Variants in RBFOX1 observed in about 807,000 individuals in gnomAD.
The protein encoded by RBFOX1 is RNA binding protein fox-1 homolog 1.
Under a neutral mutation model 57.7 loss-of-function variants are expected in RBFOX1, and 8 were observed. The ratio of observed to expected loss-of-function variants is 0.14; its 90% confidence interval spans 0.08 to 0.25. RBFOX1 has a LOEUF of 0.25. Among genes scored for constraint, RBFOX1 ranks in the 10% least tolerant of loss-of-function variants. The pLI, the probability that RBFOX1 is intolerant of heterozygous loss-of-function variation, is 1.00. For synonymous variants in RBFOX1, 326 were observed against 222.4 expected (o/e 1.47, Z -4.15); for missense variants, 611 against 548.5 (o/e 1.11, Z -1.14).
At position 5,798,767 on chromosome 16, in the gene RBFOX1, G is replaced by C. The variant is rs558677558; in HGVS notation, c.319-68536G>C. On this transcript the variant is annotated intron_variant, in intron 3 of 19. Transcript: ENST00000641259. ...GGAAAATCTTAATTAAGTCATGCCA[G>C]AGTCAAAAATTATGAACCAGGGGTC... 1.2e-4 allele frequency among the ~76,000 whole-genome samples: 19 copies of C among 152,218 alleles called. 1 individual carries two copies. The highest frequency in any genetic ancestry group is 2.6e-4 in the Non-Finnish European group (18 of 68,042).
chr16:6,514,464 C>G (rs964661775), intron 2 of RBFOX1, among the ~76,000 whole-genome samples: 1 of 152,164 alleles, frequency 6.6e-6, no homozygotes, highest in South Asian at 2.1e-4. Flanking sequence ...TCACACTTAC[C>G]TCAACTAAAT....
intron 3 of RBFOX1, among the ~76,000 whole-genome samples, chr16:6,819,524 A>G (rs2090851192): frequency 1.3e-5 from 2 of 151,914 alleles, no homozygotes; most frequent in Middle Eastern, 3.4e-3. Context: ...ACCAGCATGG[A>G]GAAAACCCAT....
chr16:5,722,508 T>C (rs1773549462), intron 3 of RBFOX1, among the ~76,000 whole-genome samples: 1 of 152,156 alleles, frequency 6.6e-6, no homozygotes, highest in Admixed American at 6.5e-5. Flanking sequence ...TGTCCAGGTG[T>C]CCCCAGGGGA....
At chr16:6,935,242 T>C (rs1278204806) in intron 3 of RBFOX1, among the ~76,000 whole-genome samples, 1 of 152,098 alleles carries the variant, frequency 6.6e-6, no homozygotes, top group African/African-American at 2.4e-5. Flanking sequence ...GCAGCAGAAG[T>C]AATGTGTTTA....
At chr16:6,012,976 A>G (rs554737976) in intron 4 of RBFOX1, among the ~76,000 whole-genome samples, 108 of 152,364 alleles carry the variant, frequency 7.1e-4, no homozygotes, top group African/African-American at 2.2e-3. Flanking sequence ...CAAGGAGAAT[A>G]GTTCACATAT....
chr16:5,686,644 C>G (rs528286298), intron 3 of RBFOX1, among the ~76,000 whole-genome samples: 2 of 152,016 alleles, frequency 1.3e-5, no homozygotes, highest in African/African-American at 2.4e-5. Context: ...TGATTTCTCT[C>G]TATATATTGA....
chr16:7,681,080 A>G (rs1453101340), intron 14 of RBFOX1, among the ~76,000 whole-genome samples: 1 of 152,210 alleles, frequency 6.6e-6, no homozygotes, highest in Non-Finnish European at 1.5e-5. Context: ...GTTCTATTTC[A>G]GAGACAGATT....
chr16:5,862,822 T>C (rs1280179510), intron 3 of RBFOX1, among the ~76,000 whole-genome samples: 1 of 152,202 alleles, frequency 6.6e-6, no homozygotes, highest in Admixed American at 6.5e-5. Flanking sequence ...AGCCCCACGC[T>C]GTTCAGCATG....
At chr16:7,028,098 T>G (rs1409002119) in intron 3 of RBFOX1, among the ~76,000 whole-genome samples, 2 of 152,120 alleles carry the variant, frequency 1.3e-5, no homozygotes, top group Non-Finnish European at 2.9e-5. Flanking sequence ...TGCCTGTTAC[T>G]TGGCACAGTT....
intron 1 of RBFOX1, among the ~76,000 whole-genome samples, chr16:6,223,686 G>C (rs1278791348): frequency 3.9e-5 from 6 of 152,122 alleles, no homozygotes; most frequent in African/African-American, 7.2e-5. Flanking sequence ...CCTTTGCTAT[G>C]CAGAAGCTCT....
chr16:5,425,036 CCTCT>C (rs760613814), intron 1 of RBFOX1, among the ~76,000 whole-genome samples: 31 of 139,006 alleles, frequency 2.2e-4, no homozygotes, highest in East Asian at 6.2e-4. Flanking sequence ...TCCCTCCCTC[CCTCT>C]CTCTCTCTCT....
chr16:6,938,414 T>C (rs2077733353), intron 3 of RBFOX1, among the ~76,000 whole-genome samples: 1 of 152,224 alleles, frequency 6.6e-6, no homozygotes, highest in African/African-American at 2.4e-5. Context: ...CGGAAAAATG[T>C]AACTGTTACA....
At chr16:6,891,089 C>T (rs1356385456) in intron 3 of RBFOX1, among the ~76,000 whole-genome samples, 2 of 152,136 alleles carry the variant, frequency 1.3e-5, no homozygotes, top group African/African-American at 2.4e-5. Flanking sequence ...TGACACCAGG[C>T]GTTCTTCCAA....
chr16:7,023,771 C>T (rs570819528), intron 3 of RBFOX1, among the ~76,000 whole-genome samples: 1 of 151,972 alleles, frequency 6.6e-6, no homozygotes, highest in Non-Finnish European at 1.5e-5. Flanking sequence ...TTCCACTTAG[C>T]TCAAATACAG....
At chr16:7,022,033 C>CA (rs2039418651) in intron 3 of RBFOX1, among the ~76,000 whole-genome samples, 1 of 69,220 alleles carries the variant, frequency 1.4e-5, no homozygotes, top group Non-Finnish European at 2.8e-5. Context: ...CTCCCCTTCC[C>CA]CTCCCCTTCC....
chr16:6,335,864 C>A (rs774024116), intron 2 of RBFOX1, among the ~76,000 whole-genome samples: 2 of 148,864 alleles, frequency 1.3e-5, no homozygotes, highest in Admixed American at 6.7e-5. Context: ...AGTCAGAGAA[C>A]CTGCATTGTG....
At chr16:5,611,812 A>ACCCT (rs2047822123) in intron 3 of RBFOX1, among the ~76,000 whole-genome samples, 1 of 22,084 alleles carries the variant, frequency 4.5e-5, no homozygotes. Context: ...CCACCCACCC[A>ACCCT]CCCACCCATT....
chr16:5,990,765 C>G (rs2060379034), intron 4 of RBFOX1, among the ~76,000 whole-genome samples: 1 of 152,166 alleles, frequency 6.6e-6, no homozygotes, highest in Admixed American at 6.5e-5. Context: ...GTCAGGAGTT[C>G]AAGACCAGCC....
At chr16:7,474,008 G>T (rs369852641) in intron 4 of RBFOX1, among the ~76,000 whole-genome samples, 2 of 151,958 alleles carry the variant, frequency 1.3e-5, no homozygotes, top group Non-Finnish European at 2.9e-5. Context: ...CAGCCCCCCG[G>T]CCGGGCATGG....
Sources: gnomAD v4.1 joint callset for allele counts (sites outside exome capture counted in the v4.1 genomes callset) on GRCh38, gnomAD v4.1.1 for gene constraint, MANE v1.5 for transcripts, NCBI Gene and HGNC (gene_info 2026-07-23, HGNC 2026-07-21) for gene names.